Variants in ZNF212 observed in about 807,000 individuals in gnomAD.
ZNF212 encodes Zinc finger protein C2H2-150.
In ZNF212, 32 loss-of-function variants were observed where a neutral mutation model predicts 47.3. The ratio of observed to expected loss-of-function variants is 0.68; its 90% confidence interval spans 0.51 to 0.91. The LOEUF (loss-of-function observed/expected upper bound fraction) is 0.91, where lower values mean the gene tolerates loss of function less well. ZNF212 is among the 40% of genes least tolerant of loss of function. ZNF212 has a pLI of 0.00. For missense variants in ZNF212, 555 were observed against 622.8 expected, an observed-to-expected ratio of 0.89 and a Z score of 1.16; for synonymous variants, 242 against 253.8, an observed-to-expected ratio of 0.95 and a Z score of 0.44.
rs71194633 is a variant in ZNF212, at chr7:149,246,813, C to CT, written c.25-3325dup. Among the ~76,000 whole-genome samples the CT allele has an allele frequency of 8.7e-3, 905 of 103,568 alleles. 19 individuals carry two copies. Among genetic ancestry groups the CT allele is most frequent in the South Asian group, 0.03 (88 of 2,896 alleles). 67.9% of individuals were successfully genotyped at this position (103,568 alleles called of 152,430 possible). On this transcript the variant is annotated intron_variant, in intron 1 of 4. Transcript: ENST00000335870. ...AAATGTAGCCTTTTGTGTCTGAATT[C>CT]TTTTTTTTTTTTTTTTTTTTTGGAG...
chr7:149,240,543 CTT>C (rs1796573765), intron 1 of ZNF212, among the ~76,000 whole-genome samples: 1 of 152,192 alleles, frequency 6.6e-6, no homozygotes, highest in Non-Finnish European at 1.5e-5. Context: ...CTCTGGGTCT[CTT>C]TCGTTTTCTT....
At position 149,254,253 on chromosome 7, in the gene ZNF212, G is replaced by T; in HGVS notation, c.1326G>T (p.Leu442Phe). The T allele has an allele frequency of 6.2e-7, 1 of 1,614,248 alleles. No individual in the cohort carries two copies. Among genetic ancestry groups the T allele is most frequent in the Non-Finnish European group, 8.5e-7 (1 of 1,180,042 alleles). ...AGAGCTTCAGTCACCCATCTGACTT[G>T]GTGCGGCACCAGCGCATCCACACGG... is the stretch of plus-strand genomic sequence containing the variant. ...CGKSFSHPSDLVRHQRIHTGE... is the reference protein window; with the variant it reads ...CGKSFSHPSDFVRHQRIHTGE... Residue 442 changes from leucine to phenylalanine, a missense_variant, in exon 5 of 5, where the codon TTG (leucine) becomes TTT (phenylalanine). Coordinates refer to ENST00000335870, the MANE Select transcript of ZNF212 (RefSeq NM_012256.4). This position sits in a 1 kb window ranked among gnomAD's most constrained non-coding sequence, Gnocchi z 4.5.
chr7:149,254,686 T>C lies in ZNF212; in HGVS notation c.*271T>C, dbSNP rs768229306. 8.9e-6 allele frequency: 4 copies of C among 450,148 alleles called. No homozygotes were observed. The highest frequency in any genetic ancestry group is 1.5e-5 in the Non-Finnish European group (4 of 259,534). The allele number at this position is 450,148 out of a possible 1,614,324, so 27.9% of individuals were successfully genotyped here. On this transcript the variant is annotated 3_prime_UTR_variant, in exon 5 of 5. Transcript: ENST00000335870. The surrounding 1 kb of genome is among the most constrained non-coding windows in gnomAD (Gnocchi z 4.5). ...TCATGCCAATGCTTGTGGGCTGGGG[T>C]TGGCGTTCTGACCCCACAGGGACTG...
intron 1 of ZNF212, among the ~76,000 whole-genome samples, chr7:149,247,448 GT>G (rs979573401): frequency 6.6e-6 from 1 of 152,212 alleles, no homozygotes; most frequent in Non-Finnish European, 1.5e-5. Context: ...AAACATGTCA[GT>G]GATTTTGGTT....
intron 1 of ZNF212, among the ~76,000 whole-genome samples, chr7:149,245,470 A>G (rs558647521): frequency 6.6e-6 from 1 of 151,934 alleles, no homozygotes; most frequent in Non-Finnish European, 1.5e-5. Flanking sequence ...ACCAGGACGT[A>G]TAATCGTGCC....
rs769480009 is a variant in ZNF212, at chr7:149,254,368, C to T, written c.1441C>T (p.Arg481Trp). ...LQHQKIHQRE[R>W]GGLALEPGRP... The stretch of plus-strand genomic sequence containing the variant: ...GCACCAGAAGATCCACCAGCGGGAG[C>T]GGGGTGGGCTGGCCCTGGAGCCCGG... Residue 481 changes from arginine (R) to tryptophan (W), a missense_variant, in exon 5 of 5, where the codon CGG (arginine) becomes TGG (tryptophan). Transcript: ENST00000335870. This position sits in a 1 kb window ranked among gnomAD's most constrained non-coding sequence, Gnocchi z 4.5. The T allele has an allele frequency of 1.1e-5, 18 of 1,608,508 alleles. No individual in the cohort carries two copies. The South Asian group carries it at 1.2e-4, about 11-fold the overall frequency.
At chr7:149,252,872 G>A (rs991756103) in intron 4 of ZNF212, 77 bp downstream of exon 4, 13 of 1,451,716 alleles carry the variant, frequency 9.0e-6, no homozygotes, top group South Asian at 2.4e-5. Flanking sequence ...CGGCTGAAGT[G>A]CCAGGTGCTG....
At chr7:149,244,605 A>C (rs373939363) in intron 1 of ZNF212, among the ~76,000 whole-genome samples, 3 of 152,186 alleles carry the variant, frequency 2.0e-5, no homozygotes, top group Non-Finnish European at 4.4e-5. Context: ...GAGCCACTGC[A>C]CCTGGCCAGA....
In ZNF212 at chr7:149,247,115, C is replaced by CT. The variant is rs80328578; in HGVS notation, c.25-3030dup. 1.5e-3 allele frequency among the ~76,000 whole-genome samples: 209 copies of CT among 138,648 alleles called. 2 individuals are homozygous for CT. The highest frequency in any genetic ancestry group is 2.1e-3 in the South Asian group (9 of 4,252). 91.0% of individuals were successfully genotyped at this position (138,648 alleles called of 152,430 possible). A position where few individuals can be genotyped will look rare whatever the true frequency, so the allele number is the denominator to read the frequency against. On this transcript the variant is annotated intron_variant, in intron 1 of 4. Transcript: ENST00000335870. Reference sequence around the variant, plus strand: ...GTGTGAGCCACCATGCCCGGCCCTTCTTTTTTTTTTTTTTAAGTGGTCTTA... The same window carrying CT: ...GTGTGAGCCACCATGCCCGGCCCTTCTTTTTTTTTTTTTTTAAGTGGTCTTA...
At chr7:149,248,128 T>C (rs1585594248) in intron 1 of ZNF212, among the ~76,000 whole-genome samples, 2 of 152,276 alleles carry the variant, frequency 1.3e-5, no homozygotes, top group East Asian at 3.9e-4. Flanking sequence ...ATGAGGGATA[T>C]GCCCTCATGA....
chr7:149,252,392 T>C (rs1217260543), intron 3 of ZNF212, among the ~76,000 whole-genome samples: 1 of 152,170 alleles, frequency 6.6e-6, no homozygotes, highest in Non-Finnish European at 1.5e-5. Flanking sequence ...TTGGCAAGAC[T>C]TAAGCTGCAC....
intron 4 of ZNF212, among the ~76,000 whole-genome samples, chr7:149,253,317 T>C (rs897086727): frequency 1.3e-5 from 2 of 152,350 alleles, no homozygotes; most frequent in Non-Finnish European, 2.9e-5. Context: ...CTTGGAGAAC[T>C]ATCATTTACA....
chr7:149,240,382 A>ACCCCCCCCCCCACCCCCCCCTCC (rs71194632), intron 1 of ZNF212, among the ~76,000 whole-genome samples: 1 of 109,356 alleles, frequency 9.1e-6, no homozygotes, highest in Non-Finnish European at 1.9e-5. Flanking sequence ...TCTCTCCTTC[A>ACCCCCCCCCCCACCCCCCCCTCC]CCCCCCCCCC....
At chr7:149,243,162 G>T (rs576298730) in intron 1 of ZNF212, among the ~76,000 whole-genome samples, 24 of 152,176 alleles carry the variant, frequency 1.6e-4, no homozygotes, top group Non-Finnish European at 3.1e-4. Flanking sequence ...GGGAGGCAAA[G>T]TTGGGTGGAT....
intron 1 of ZNF212, among the ~76,000 whole-genome samples, chr7:149,246,471 C>T (rs191678124): frequency 7.9e-5 from 12 of 152,224 alleles, no homozygotes; most frequent in Admixed American, 6.5e-4. Context: ...CAGGCTCCGC[C>T]TGCTGGGTTC....
At position 149,244,240 on chromosome 7, in the gene ZNF212, T is replaced by G. The variant is rs151270715; in HGVS notation, c.24+4438T>G. On this transcript the variant is annotated intron_variant, in intron 1 of 4. Transcript: ENST00000335870. ...ACGAGCCACTGTGCCCGGCTAATTT[T>G]ATTTAACCAGCCACATGTGACTAGT... Among the ~76,000 whole-genome samples the G allele has an allele frequency of 2.1e-3, 314 of 152,278 alleles. 2 individuals carry two copies. The highest frequency in any genetic ancestry group is 7.2e-3 in the African/African-American group (298 of 41,554).
chr7:149,253,402 A>G (rs1563189722), intron 4 of ZNF212, among the ~76,000 whole-genome samples, 157 bp from the exon 5 acceptor site: 1 of 152,224 alleles, frequency 6.6e-6, no homozygotes, highest in Non-Finnish European at 1.5e-5. Context: ...ATAGTTTTAT[A>G]GAAGTCTTGG....
intron 1 of ZNF212, 63 bp downstream of exon 1, chr7:149,239,865 G>GGC: frequency 7.9e-7 from 1 of 1,261,512 alleles, no homozygotes; most frequent in Non-Finnish European, 1.0e-6. Flanking sequence ...CCCTGCCGGG[G>GGC]GCGGGGCTTC....
rs1183210235 is a variant in ZNF212, at chr7:149,239,687, C to CGGT, written c.-90_-89insTGG. 1.5e-6 allele frequency: 2 copies of CGGT among 1,290,710 alleles called. No individual in the cohort carries two copies. The highest frequency in any genetic ancestry group is 4.0e-5 in the Admixed American group (1 of 24,906). 80.0% of individuals were successfully genotyped at this position (1,290,710 alleles called of 1,614,324 possible). A position where few individuals can be genotyped will look rare whatever the true frequency, so the allele number is the denominator to read the frequency against. ...GGCATCAACACGGCGGCGGCGGCGG[C>CGGT]GGCTTCCAACAGGCTCTGGGGCGCC... is the stretch of plus-strand genomic sequence containing the variant. On this transcript the variant is annotated 5_prime_UTR_variant, in exon 1 of 5. Coordinates refer to ENST00000335870, the MANE Select transcript of ZNF212 (RefSeq NM_012256.4).
Sources: allele counts gnomAD v4.1 joint callset (sites outside exome capture counted in the v4.1 genomes callset), GRCh38; gene constraint gnomAD v4.1.1; non-coding constraint Gnocchi (gnomAD v3.1); transcripts MANE v1.5; gene names NCBI Gene and HGNC (gene_info 2026-07-23, HGNC 2026-07-21).